NAF1: variants seen among roughly 807,000 people sequenced by gnomAD.
The protein encoded by NAF1 is nuclear assembly factor 1 ribonucleoprotein, also known as H/ACA ribonucleoprotein complex non-core subunit NAF1.
NAF1 carries 11 observed loss-of-function variants against 40.6 expected under a neutral mutation model. The observed-to-expected ratio is 0.27, with a 90% confidence interval of 0.17 to 0.45. The LOEUF is 0.45. NAF1 is among the 20% of genes least tolerant of loss of function. The pLI is 1.00. For synonymous variants in NAF1, 260 were observed against 228.5 expected (o/e 1.14, Z -1.24); for missense variants, 607 against 611.1 (o/e 0.99, Z 0.07).
intron 4 of NAF1, chr4:163,142,041 T>C (rs1177869672): frequency 2.0e-6 from 1 of 497,358 alleles, no homozygotes; most frequent in African/African-American, 2.1e-5. Flanking sequence ...GCATCACAAA[T>C]TTAAAGCTTT....
In NAF1 at chr4:163,166,453, C is replaced by A. The variant is rs748659089; in HGVS notation, c.275G>T (p.Cys92Phe). 1.8e-5 allele frequency: 29 copies of A among 1,605,446 alleles called. No homozygotes were observed. Residue 92 changes from cysteine to phenylalanine, a missense_variant, in exon 1 of 8, where the codon TGC (cysteine) becomes TTC (phenylalanine). Coordinates refer to ENST00000274054, the MANE Select transcript of NAF1 (RefSeq NM_138386.3). Reference sequence around the variant, plus strand: ...TCCTGGGGAGGTGACGCAGTCTCCGCAGGCCGGCGATTCAGCCGGTGGCTG... The same window carrying A: ...TCCTGGGGAGGTGACGCAGTCTCCGAAGGCCGGCGATTCAGCCGGTGGCTG... ...QPQPPAESPA[C>F]GDCVTSPGAA...
chr4:163,157,353 A>G (rs1204255154), intron 2 of NAF1: 1 of 152,044 alleles, frequency 6.6e-6, no homozygotes, highest in African/African-American at 2.4e-5. Context: ...AAATACTAAA[A>G]ACACAGCAGT....
intron 7 of NAF1, among the ~76,000 whole-genome samples, chr4:163,130,919 C>A (rs1203445200): frequency 6.6e-6 from 1 of 152,210 alleles, no homozygotes; most frequent in Non-Finnish European, 1.5e-5. Context: ...CGCTCTGTAG[C>A]CCTGGCTGGA....
chr4:163,144,613 A>C (rs550543493), intron 4 of NAF1, among the ~76,000 whole-genome samples: 2 of 152,358 alleles, frequency 1.3e-5, no homozygotes, highest in East Asian at 3.9e-4. Flanking sequence ...ATTTATAATC[A>C]AGTATTTTTT....
At chr4:163,114,405 G>A (rs1730261608) in intron 2 of NAF1, among the ~76,000 whole-genome samples, 1 of 152,136 alleles carries the variant, frequency 6.6e-6, no homozygotes, top group African/African-American at 2.4e-5. Flanking sequence ...TGCCTTCCTT[G>A]ATCAACTCGA....
At chr4:163,104,746 GAGGTTCCATAAGAATCCTGGCAA>G in the NAF1 span, among the ~76,000 whole-genome samples, 5 of 152,352 alleles carry the variant, frequency 3.3e-5, no homozygotes, top group South Asian at 1.0e-3. Context: ...AGCAGAGCAA[GAGGTTCCATAAGAATCCTGGCAA>G]AGCAATCTTT....
chr4:163,153,810 G>C (rs974601890), intron 2 of NAF1, among the ~76,000 whole-genome samples: 3 of 152,110 alleles, frequency 2.0e-5, no homozygotes, highest in African/African-American at 7.2e-5. Flanking sequence ...TTGGCAACCC[G>C]CTCGGGTCCC....
intron 6 of NAF1, 158 bp from the exon 7 acceptor site, chr4:163,133,414 G>A: frequency 9.2e-6 from 5 of 543,358 alleles, no homozygotes; most frequent in South Asian, 3.0e-5. Context: ...AATTAGACAT[G>A]GTATAAAAAT....
intron 2 of NAF1, among the ~76,000 whole-genome samples, chr4:163,151,697 T>C (rs1420665674): frequency 6.6e-6 from 1 of 152,172 alleles, no homozygotes; most frequent in Non-Finnish European, 1.5e-5. Context: ...CATAAATATT[T>C]TTCCCCTTGG....
At chr4:163,144,108 TTTCCTACCC>T in intron 4 of NAF1, 1 of 728,486 alleles carries the variant, frequency 1.4e-6, no homozygotes. Flanking sequence ...TCAGTAAAAA[TTTCCTACCC>T]ACTGATATAT....
downstream of NAF1, among the ~76,000 whole-genome samples, chr4:163,122,072 G>A (rs376742077): frequency 3.3e-5 from 5 of 152,028 alleles, no homozygotes; most frequent in African/African-American, 9.7e-5. Context: ...AAACATTATC[G>A]TTGAAAGAAA....
chr4:163,125,136 TCTC>T (rs1321599036), downstream of NAF1, among the ~76,000 whole-genome samples: 3 of 152,178 alleles, frequency 2.0e-5, no homozygotes, highest in Admixed American at 6.5e-5. Flanking sequence ...TCCTTTTCTC[TCTC>T]CTCAGGCCTT....
intron 2 of NAF1, among the ~76,000 whole-genome samples, chr4:163,152,274 A>C (rs1446298636): frequency 6.6e-6 from 1 of 152,222 alleles, no homozygotes; most frequent in Non-Finnish European, 1.5e-5. Context: ...AGTTTCATCA[A>C]ATATTCTTTT....
At chr4:163,105,508 A>G (rs1475692904), downstream of NAF1, among the ~76,000 whole-genome samples, 1 of 152,246 alleles carries the variant, frequency 6.6e-6, no homozygotes, top group Non-Finnish European at 1.5e-5. Flanking sequence ...TGCGTCAGCT[A>G]TTTAATATTA....
chr4:163,163,763 T>G lies in NAF1; in HGVS notation c.540+454A>C, dbSNP rs1732326175. Among the ~76,000 whole-genome samples the G allele has an allele frequency of 2.0e-5, 3 of 152,196 alleles. No individual in the cohort carries two copies. The South Asian group carries it at 6.2e-4, about 32-fold the overall frequency. ...CCTAACAAGTTCAACCCTCTGAATT[T>G]CATCTTCTACTTCTCTAAATGCAGT... On this transcript the variant is annotated intron_variant, in intron 2 of 7. Coordinates refer to ENST00000274054, the MANE Select transcript of NAF1 (RefSeq NM_138386.3).
chr4:163,142,673 G>C (rs1428566068), intron 4 of NAF1, among the ~76,000 whole-genome samples: 1 of 152,212 alleles, frequency 6.6e-6, no homozygotes, highest in African/African-American at 2.4e-5. Context: ...ACAGTATGTG[G>C]CATGAGCCAA....
Position 163,129,023 on chromosome 4 carries a change from T to G in NAF1, c.1359A>C (p.Thr453=). 1 of 1,443,776 alleles carries G rather than the reference T, an allele frequency of 6.9e-7. No individual in the cohort carries two copies. Among genetic ancestry groups the G allele is most frequent in the Non-Finnish European group, 9.2e-7 (1 of 1,090,598 alleles). 89.4% of individuals were successfully genotyped at this position (1,443,776 alleles called of 1,614,324 possible). The change falls in exon 8 of 8, where the codon ACA becomes ACC. Residue 453 remains threonine, a synonymous_variant. Transcript: ENST00000274054. ...PPPPVNMGWA[T]PNMAAHPLLN... Reference sequence around the variant, plus strand: ...GTAATGGATGAGCAGCCATGTTTGGTGTAGCCCAACCCATGTTTACAGGTG... The same window carrying G: ...GTAATGGATGAGCAGCCATGTTTGGGGTAGCCCAACCCATGTTTACAGGTG...
intron 1 of NAF1, among the ~76,000 whole-genome samples, chr4:163,165,124 T>A (rs564370844): frequency 1.3e-5 from 2 of 152,228 alleles, no homozygotes; most frequent in African/African-American, 2.4e-5. Context: ...CTAAACTCCA[T>A]GTCCAATCTC....
intron 4 of NAF1, among the ~76,000 whole-genome samples, chr4:163,144,953 T>C (rs1398824284): frequency 3.9e-5 from 6 of 152,106 alleles, no homozygotes; most frequent in Non-Finnish European, 5.9e-5. Context: ...AAATCACAAA[T>C]AGCTCCTTTC....
Sources: gnomAD v4.1 joint callset for allele counts (sites outside exome capture counted in the v4.1 genomes callset) on GRCh38, gnomAD v4.1.1 for gene constraint, MANE v1.5 for transcripts, NCBI Gene and HGNC (gene_info 2026-07-23, HGNC 2026-07-21) for gene names.